The following CATSPERT variants were observed in gnomAD, a reference collection of about 807,000 sequenced individuals.
CATSPERT encodes the protein cation channel sperm-associated targeting subunit tau.
chr2:201,493,175 A>T, the CATSPERT span: 1 of 1,528,770 alleles, frequency 6.5e-7, no homozygotes, highest in Non-Finnish European at 8.8e-7. Flanking sequence ...TTATCCATTA[A>T]TGAGTTAGTT....
chr2:201,594,389 T>C, the CATSPERT span, among the ~76,000 whole-genome samples: 3 of 152,210 alleles, frequency 2.0e-5, no homozygotes, highest in Admixed American at 1.3e-4. Flanking sequence ...TAACCCGACC[T>C]TTCTCTCTGG....
the CATSPERT span, among the ~76,000 whole-genome samples, chr2:201,543,034 G>A: frequency 1.3e-5 from 2 of 152,234 alleles, no homozygotes; most frequent in African/African-American, 4.8e-5. Context: ...TGTTTATGGT[G>A]TTAAGCAAAA....
chr2:201,489,220 C>T, the CATSPERT span, among the ~76,000 whole-genome samples: 1 of 152,174 alleles, frequency 6.6e-6, no homozygotes. Flanking sequence ...ACTCTATCTC[C>T]CTTGCCTGCT....
the CATSPERT span, among the ~76,000 whole-genome samples, chr2:201,530,648 G>T: frequency 6.6e-6 from 1 of 152,178 alleles, no homozygotes; most frequent in East Asian, 1.9e-4. Context: ...TCGGAGATAT[G>T]AGGTTAATGA....
At chr2:201,573,894 T>C in the CATSPERT span, among the ~76,000 whole-genome samples, 1 of 152,174 alleles carries the variant, frequency 6.6e-6, no homozygotes, top group African/African-American at 2.4e-5. Flanking sequence ...CAGCCTCAGG[T>C]GATTCACCCA....
the CATSPERT span, among the ~76,000 whole-genome samples, chr2:201,586,673 T>C: frequency 6.6e-6 from 1 of 152,108 alleles, no homozygotes; most frequent in Admixed American, 6.6e-5. Context: ...GAGTTATATA[T>C]GGTATTCTCT....
the CATSPERT span, among the ~76,000 whole-genome samples, chr2:201,582,868 A>G: frequency 6.6e-6 from 1 of 152,132 alleles, no homozygotes; most frequent in Non-Finnish European, 1.5e-5. Flanking sequence ...TGATGGTTGA[A>G]ATCAGAGCCG....
the CATSPERT span, among the ~76,000 whole-genome samples, chr2:201,544,543 T>TCACA: frequency 0.015 from 2,238 of 150,462 alleles, 14 homozygotes; most frequent in African/African-American, 0.025. Flanking sequence ...ACTTTCTTTT[T>TCACA]CACACACACA....
chr2:201,604,028 C>A, the CATSPERT span, among the ~76,000 whole-genome samples: 3 of 152,040 alleles, frequency 2.0e-5, no homozygotes, highest in Admixed American at 6.6e-5. Context: ...TAATATTTGA[C>A]AGTTCTATAT....
chr2:201,507,976 C>T, the CATSPERT span, among the ~76,000 whole-genome samples: 8 of 152,280 alleles, frequency 5.3e-5, no homozygotes, highest in East Asian at 3.9e-4. Flanking sequence ...GATTCAGTCA[C>T]CTCCCACCAA....
At chr2:201,491,438 T>G in the CATSPERT span, 1 of 1,537,100 alleles carries the variant, frequency 6.5e-7, no homozygotes, top group African/African-American at 1.4e-5. Flanking sequence ...TTGGCACATT[T>G]TTCACTGCAA....
the CATSPERT span, among the ~76,000 whole-genome samples, chr2:201,564,657 T>C: frequency 1.3e-5 from 2 of 152,080 alleles, no homozygotes; most frequent in South Asian, 2.1e-4. Context: ...GGTACTCTTA[T>C]GATAAGAGAC....
the CATSPERT span, among the ~76,000 whole-genome samples, chr2:201,543,025 G>A: frequency 1.3e-5 from 2 of 152,106 alleles, no homozygotes; most frequent in African/African-American, 4.8e-5. Flanking sequence ...ATTGATTTTT[G>A]TTTATGGTGT....
At chr2:201,584,336 T>C in the CATSPERT span, among the ~76,000 whole-genome samples, 2 of 151,958 alleles carry the variant, frequency 1.3e-5, no homozygotes, top group African/African-American at 2.4e-5. Flanking sequence ...GAAGAATTAC[T>C]TGGAATGCTG....
chr2:201,555,375 C>T, the CATSPERT span: 4 of 152,076 alleles, frequency 2.6e-5, no homozygotes, highest in Admixed American at 2.6e-4. Flanking sequence ...ATTAGCCAGG[C>T]ATGGTAGCGC....
the CATSPERT span, among the ~76,000 whole-genome samples, chr2:201,565,390 C>T: frequency 6.6e-6 from 1 of 151,878 alleles, no homozygotes; most frequent in South Asian, 2.1e-4. Context: ...TGGAAGATTG[C>T]TTGAGCCCAA....
chr2:201,618,830 C>T, the CATSPERT span: 1 of 1,468,328 alleles, frequency 6.8e-7, no homozygotes, highest in Admixed American at 1.9e-5. Flanking sequence ...CCCTTTAATC[C>T]TTTCACCACC....
the CATSPERT span, among the ~76,000 whole-genome samples, chr2:201,591,689 G>A: frequency 2.6e-5 from 4 of 152,266 alleles, no homozygotes; most frequent in East Asian, 5.8e-4. Context: ...TCTCCTTGAA[G>A]AGGTCCTTCA....
At chr2:201,532,781 T>C in the CATSPERT span, among the ~76,000 whole-genome samples, 3 of 152,178 alleles carry the variant, frequency 2.0e-5, no homozygotes, top group South Asian at 4.1e-4. Context: ...TTTTGTCAAA[T>C]GCGGCTAAGT....
Sources: gnomAD v4.1 joint callset for allele counts (sites outside exome capture counted in the v4.1 genomes callset) on GRCh38, gnomAD v4.1.1 for gene constraint, MANE v1.5 for transcripts, NCBI Gene and HGNC (gene_info 2026-07-23, HGNC 2026-07-21) for gene names.